The following PAICS variants were observed in gnomAD, a reference collection of about 807,000 sequenced individuals.
The protein encoded by PAICS is phosphoribosylaminoimidazole carboxylase and phosphoribosylaminoimidazolesuccinocarboxamide synthase, also known as bifunctional phosphoribosylaminoimidazole carboxylase/phosphoribosylaminoimidazole succinocarboxamide synthetase.
In PAICS, 33 loss-of-function variants were observed where a neutral mutation model predicts 53.7. The observed-to-expected ratio is 0.61, with a 90% CI of 0.47 to 0.82. PAICS has a LOEUF of 0.82. Among genes scored for constraint, PAICS ranks in the 40% least tolerant of loss-of-function variants. The probability of loss-of-function intolerance (pLI) is 0.00; values close to 1 mark genes in which losing one functional copy is unlikely to be tolerated. For synonymous variants in PAICS, 141 were observed against 167.2 expected, an observed-to-expected ratio of 0.84 and a Z score of 1.21; for missense variants, 394 against 494.1, an observed-to-expected ratio of 0.80 and a Z score of 1.92.
upstream of PAICS, among the ~76,000 whole-genome samples, chr4:56,432,155 G>C (rs1246559923): frequency 6.6e-6 from 1 of 152,136 alleles, no homozygotes; most frequent in Non-Finnish European, 1.5e-5. Context: ...TTTCAGATTA[G>C]ATTATACCCA....
the PAICS span, chr4:56,414,242 T>A: frequency 6.6e-6 from 1 of 152,242 alleles, no homozygotes; most frequent in Non-Finnish European, 1.5e-5. Flanking sequence ...GAATTTTTAT[T>A]GGTGTGTGAT....
chr4:56,426,676 T>C, the PAICS span, among the ~76,000 whole-genome samples: 1 of 152,232 alleles, frequency 6.6e-6, no homozygotes, highest in Non-Finnish European at 1.5e-5. Context: ...ACTTATCAAC[T>C]GACAGACATT....
At chr4:56,437,588 C>T (rs2110078703) in intron 1 of PAICS, among the ~76,000 whole-genome samples, 1 of 151,814 alleles carries the variant, frequency 6.6e-6, no homozygotes, top group Non-Finnish European at 1.5e-5. Flanking sequence ...TTTGGGAGTC[C>T]CAGGCGGGCG....
rs1315744910 is a variant in PAICS at position 56,464,487 on chromosome 4, A to G, written c.*4949A>G. 1 of 152,156 alleles carries G rather than the reference A, an allele frequency of 6.6e-6. No homozygotes were observed. The highest frequency in any genetic ancestry group is 2.4e-5 in the African/African-American group (1 of 41,420). The allele number at this position is 152,156 out of a possible 1,614,324, so 9.4% of individuals were successfully genotyped here. On this transcript the variant is annotated 3_prime_UTR_variant, in exon 9 of 9. Transcript: ENST00000512576. Reference sequence around the variant, plus strand: ...TACTCAATCTCTCTTACCTTTCCATAATTTTCTTCAGCAAACTTATTACCA... The same window carrying G: ...TACTCAATCTCTCTTACCTTTCCATGATTTTCTTCAGCAAACTTATTACCA...
Position 56,448,707 on chromosome 4 carries a change from C to T in PAICS, c.574-3C>T. 3 of 1,562,872 alleles carry T rather than the reference C, an allele frequency of 1.9e-6. No individual in the cohort carries two copies. Among genetic ancestry groups the T allele is most frequent in the Non-Finnish European group, 2.6e-6 (3 of 1,142,936 alleles). On this transcript the variant is annotated splice_polypyrimidine_tract_variant and splice_region_variant and intron_variant, in intron 4 of 8. Coordinates refer to ENST00000512576, the MANE Select transcript of PAICS (RefSeq NM_001079524.2). ...GAAAACTTTGTTGACATGCTGTTTC[C>T]AGATTGAATTTGGTGTTGATGTAAC... is the stretch of plus-strand genomic sequence containing the variant.
At chr4:56,456,606 C>G (rs1041515864) in intron 8 of PAICS, among the ~76,000 whole-genome samples, 1 of 151,586 alleles carries the variant, frequency 6.6e-6, no homozygotes, top group Non-Finnish European at 1.5e-5. Flanking sequence ...ATGGGCACTC[C>G]GTATGTTGTC....
chr4:56,423,484 A>G, the PAICS span: 2 of 152,148 alleles, frequency 1.3e-5, no homozygotes, highest in Non-Finnish European at 2.9e-5. Flanking sequence ...ATTTTAAAAA[A>G]TAAGAAAATC....
chr4:56,434,907 C>T (rs1321563198), upstream of PAICS, among the ~76,000 whole-genome samples: 2 of 152,228 alleles, frequency 1.3e-5, no homozygotes, highest in Non-Finnish European at 2.9e-5. Context: ...TGGTTGGAGG[C>T]CCCGCGCGAA....
At chr4:56,453,864 G>A (rs561343660) in intron 8 of PAICS, 103 bp downstream of exon 8, 14 of 706,232 alleles carry the variant, frequency 2.0e-5, no homozygotes, top group Non-Finnish European at 2.9e-5. Flanking sequence ...CCATGACCTA[G>A]CTTCAGCAAT....
chr4:56,440,489 C>CA (rs1718281250), intron 1 of PAICS, among the ~76,000 whole-genome samples: 1 of 152,168 alleles, frequency 6.6e-6, no homozygotes, highest in African/African-American at 2.4e-5. Context: ...CTGCAGCCCC[C>CA]ACCCCTTCCC....
In PAICS at chr4:56,457,460, C is replaced by G. The variant is rs1719271743; in HGVS notation, c.1112-1912C>G. Among the ~76,000 whole-genome samples the G allele has an allele frequency of 2.6e-5, 4 of 152,086 alleles. No individual in the cohort carries two copies. The South Asian group carries it at 8.3e-4, about 32-fold the overall frequency. ...AAATTGCTACAGTGCTTTAAAGAGG[C>G]AGTTACTCAGGTAGATGGAGTGGGG... On this transcript the variant is annotated intron_variant, in intron 8 of 8. Transcript: ENST00000512576.
the PAICS span, among the ~76,000 whole-genome samples, chr4:56,412,234 C>G: frequency 6.6e-6 from 1 of 152,058 alleles, no homozygotes; most frequent in South Asian, 2.1e-4. Flanking sequence ...AGGGACTATC[C>G]TTACAACATA....
At chr4:56,435,851 T>C, upstream of PAICS, 14 of 1,490,904 alleles carry the variant, frequency 9.4e-6, no homozygotes, top group Non-Finnish European at 1.3e-5. Flanking sequence ...AGTAACGGAC[T>C]TAACCTCATT....
intron 1 of PAICS, 148 bp downstream of exon 1, chr4:56,436,476 C>G: frequency 2.7e-6 from 2 of 733,590 alleles, no homozygotes; most frequent in Non-Finnish European, 5.0e-6. Flanking sequence ...CCCAGGCGCT[C>G]CCGGGCCTCC....
At chr4:56,436,095 CG>C (rs1161053522), upstream of PAICS, 1 of 1,477,972 alleles carries the variant, frequency 6.8e-7, no homozygotes. Flanking sequence ...GCCTGCGCGG[CG>C]GGAAGCCAGT....
At chr4:56,450,084 C>T (rs1205215736) in intron 5 of PAICS, among the ~76,000 whole-genome samples, 1 of 152,052 alleles carries the variant, frequency 6.6e-6, no homozygotes, top group Non-Finnish European at 1.5e-5. Flanking sequence ...GAAAACCAAA[C>T]ACCACATGTT....
chr4:56,419,710 G>A, the PAICS span: 1 of 981,656 alleles, frequency 1.0e-6, no homozygotes, highest in Non-Finnish European at 1.2e-6. Context: ...CCAGAAGTCA[G>A]GGCTCTAATA....
intron 2 of PAICS, chr4:56,446,224 A>G: frequency 1.7e-6 from 1 of 585,396 alleles, no homozygotes; most frequent in Admixed American, 2.6e-5. Context: ...TTGTACATTC[A>G]TCCCATTATC....
chr4:56,435,242 A>T (rs570552262), upstream of PAICS: 45 of 1,508,662 alleles, frequency 3.0e-5, no homozygotes, highest in East Asian at 9.7e-4. Flanking sequence ...CTTAGGTCGG[A>T]GAGGTCGGTC....
Sources: allele counts gnomAD v4.1 joint callset (sites outside exome capture counted in the v4.1 genomes callset), GRCh38; gene constraint gnomAD v4.1.1; transcripts MANE v1.5; gene names NCBI Gene and HGNC (gene_info 2026-07-23, HGNC 2026-07-21).